The following HS3ST4 variants were observed in gnomAD, a reference collection of about 807,000 sequenced individuals.
HS3ST4 encodes the protein heparan sulfate-glucosamine 3-sulfotransferase 4.
A neutral mutation model predicts 29.2 loss-of-function variants in HS3ST4; 17 were observed. The ratio of observed to expected loss-of-function variants is 0.58; its 90% CI spans 0.40 to 0.87. The LOEUF is 0.87. Ranked by LOEUF, HS3ST4 falls within the 40% of genes least tolerant of loss-of-function variation. The pLI is 0.00. For synonymous variants in HS3ST4, 314 were observed against 285.7 expected (o/e 1.10, Z -1.00); for missense variants, 627 against 634.5 (o/e 0.99, Z 0.13).
At chr16:25,791,896 T>C (rs1966870060) in intron 1 of HS3ST4, among the ~76,000 whole-genome samples, 1 of 152,020 alleles carries the variant, frequency 6.6e-6, no homozygotes, top group African/African-American at 2.4e-5. Flanking sequence ...TCTGATATAT[T>C]GTTGGATACC....
intron 1 of HS3ST4, among the ~76,000 whole-genome samples, chr16:25,925,992 A>G (rs886157355): frequency 2.0e-4 from 30 of 152,128 alleles, no homozygotes; most frequent in East Asian, 1.2e-3. Flanking sequence ...AATCCTTCCT[A>G]TCTGTATAGT....
intron 1 of HS3ST4, among the ~76,000 whole-genome samples, chr16:25,828,242 CTCTTTCTTTCTTTCTTTCTT>C (rs1174433355): frequency 1.9e-4 from 14 of 75,028 alleles, no homozygotes; most frequent in South Asian, 1.1e-3. Flanking sequence ...TTCTTTCTTT[CTCTTTCTTTCTTTCTTTCTT>C]TCTTTCTTTC....
chr16:25,758,719 G>T (rs939653830), intron 1 of HS3ST4, among the ~76,000 whole-genome samples: 3 of 152,192 alleles, frequency 2.0e-5, no homozygotes, highest in Admixed American at 6.5e-5. Context: ...ACTTTGGGAG[G>T]CTGAAGTGGG....
chr16:25,944,544 A>G (rs1482275123), intron 1 of HS3ST4, among the ~76,000 whole-genome samples: 2 of 152,216 alleles, frequency 1.3e-5, no homozygotes, highest in Non-Finnish European at 2.9e-5. Context: ...AGTTAAGGAC[A>G]TTTACATTGA....
At chr16:25,872,838 C>A (rs1967768948) in intron 1 of HS3ST4, among the ~76,000 whole-genome samples, 1 of 152,014 alleles carries the variant, frequency 6.6e-6, no homozygotes, top group Non-Finnish European at 1.5e-5. Flanking sequence ...GTCATTTCTG[C>A]AACATACTAC....
chr16:26,006,735 A>G (rs866760479), intron 1 of HS3ST4, among the ~76,000 whole-genome samples: 23 of 152,352 alleles, frequency 1.5e-4, no homozygotes, highest in Middle Eastern at 6.8e-3. Flanking sequence ...TTTCATCTAC[A>G]GGAGTAATTG....
At chr16:25,997,647 T>C (rs1683123152) in intron 1 of HS3ST4, among the ~76,000 whole-genome samples, 1 of 152,182 alleles carries the variant, frequency 6.6e-6, no homozygotes, top group Admixed American at 6.5e-5. Flanking sequence ...AAAGTGTTTC[T>C]ATTCCCAATA....
chr16:25,709,331 A>C (rs1173934220), intron 1 of HS3ST4, among the ~76,000 whole-genome samples: 1 of 152,162 alleles, frequency 6.6e-6, no homozygotes. Context: ...GCACACATCC[A>C]TCAAGCGGTT....
At chr16:25,968,099 G>T (rs1968861361) in intron 1 of HS3ST4, among the ~76,000 whole-genome samples, 1 of 152,136 alleles carries the variant, frequency 6.6e-6, no homozygotes, top group African/African-American at 2.4e-5. Flanking sequence ...GAGAGGGAAG[G>T]ATGCTGGCTG....
chr16:25,920,197 T>C (rs772849711), intron 1 of HS3ST4, among the ~76,000 whole-genome samples: 1 of 152,210 alleles, frequency 6.6e-6, no homozygotes, highest in African/African-American at 2.4e-5. Flanking sequence ...TGCAGTAACC[T>C]AAGCTGCTCT....
intron 1 of HS3ST4, among the ~76,000 whole-genome samples, chr16:25,799,321 G>A (rs1241506234): frequency 6.6e-6 from 1 of 152,072 alleles, no homozygotes; most frequent in Admixed American, 6.5e-5. Context: ...TGTAGAGCTT[G>A]TCCTCTTAGT....
chr16:26,020,006 G>C (rs1969397349), intron 1 of HS3ST4, among the ~76,000 whole-genome samples: 1 of 152,110 alleles, frequency 6.6e-6, no homozygotes, highest in African/African-American at 2.4e-5. Context: ...AAACACTTCT[G>C]GTGCTCCAGA....
intron 1 of HS3ST4, among the ~76,000 whole-genome samples, chr16:25,873,417 C>CCATTTAT (rs1555470002): frequency 9.7e-6 from 1 of 103,246 alleles, no homozygotes; most frequent in Non-Finnish European, 2.1e-5. Context: ...CATCCATCCA[C>CCATTTAT]CCATCCATCC....
chr16:25,969,580 G>A (rs964429116), intron 1 of HS3ST4, among the ~76,000 whole-genome samples: 2 of 152,202 alleles, frequency 1.3e-5, no homozygotes, highest in African/African-American at 4.8e-5. Flanking sequence ...CTTTGTCTGA[G>A]ATATGGCCTG....
intron 1 of HS3ST4, among the ~76,000 whole-genome samples, chr16:26,028,102 G>T (rs1326985951): frequency 1.3e-5 from 2 of 151,864 alleles, no homozygotes; most frequent in African/African-American, 4.8e-5. Context: ...GTGAAACCCT[G>T]TCTCTACTGA....
At chr16:25,959,322 C>A (rs763495290) in intron 1 of HS3ST4, among the ~76,000 whole-genome samples, 3 of 152,188 alleles carry the variant, frequency 2.0e-5, no homozygotes, top group Non-Finnish European at 4.4e-5. Flanking sequence ...TGTCAGAAAT[C>A]CTATCTATAG....
At chr16:25,828,242 C>CTTTCTCTTTCTT (rs1371928058) in intron 1 of HS3ST4, among the ~76,000 whole-genome samples, 23 of 75,026 alleles carry the variant, frequency 3.1e-4, no homozygotes, top group East Asian at 1.1e-3. Context: ...TTCTTTCTTT[C>CTTTCTCTTTCTT]TCTTTCTTTC....
chr16:26,129,242 T>G (rs1043959082), intron 1 of HS3ST4, among the ~76,000 whole-genome samples: 2 of 152,250 alleles, frequency 1.3e-5, no homozygotes, highest in Admixed American at 1.3e-4. Context: ...AAGTCAGGGA[T>G]AGCTCAGCTT....
chr16:26,040,713 G>T (rs1384406385), intron 1 of HS3ST4, among the ~76,000 whole-genome samples: 1 of 151,980 alleles, frequency 6.6e-6, no homozygotes, highest in African/African-American at 2.4e-5. Context: ...CACAGCTGGT[G>T]CTTAATGAAT....
Sources: gnomAD v4.1 joint callset for allele counts (sites outside exome capture counted in the v4.1 genomes callset) on GRCh38, gnomAD v4.1.1 for gene constraint, MANE v1.5 for transcripts, NCBI Gene and HGNC (gene_info 2026-07-23, HGNC 2026-07-21) for gene names.